RNF150: variants seen among roughly 807,000 people sequenced by gnomAD.
The protein encoded by RNF150 is ring finger protein 150.
Under a neutral mutation model 39.3 loss-of-function variants are expected in RNF150, and 24 were observed. That is an observed-to-expected ratio of 0.61 (90% CI 0.44 to 0.86). The LOEUF (loss-of-function observed/expected upper bound fraction) is 0.86. Ranked by LOEUF, RNF150 falls within the 40% of genes least tolerant of loss-of-function variation. RNF150 has a pLI of 0.00. For missense variants in RNF150, 502 were observed against 587.8 expected (o/e 0.85, Z 1.51); for synonymous variants, 255 against 227.3 (o/e 1.12, Z -1.10).
At chr4:141,124,652 T>C (rs1211083800) in intron 1 of RNF150, among the ~76,000 whole-genome samples, 1 of 152,196 alleles carries the variant, frequency 6.6e-6, no homozygotes, top group Non-Finnish European at 1.5e-5. Context: ...CAAGCATTTG[T>C]ATGCCTCCTG....
At chr4:140,891,070 T>A (rs780588197) in intron 6 of RNF150, among the ~76,000 whole-genome samples, 1 of 152,222 alleles carries the variant, frequency 6.6e-6, no homozygotes, top group Admixed American at 6.5e-5. Context: ...TTATATTCCA[T>A]GCTCATGGCA....
At position 141,132,353 on chromosome 4, in the gene RNF150, G is replaced by C; in HGVS notation, c.456C>G (p.Thr152=). Residue 152 remains threonine, a synonymous_variant, in exon 1 of 7, where the codon ACC becomes ACG. Transcript: ENST00000515673. The surrounding 1 kb of genome is among the most constrained non-coding windows in gnomAD (Gnocchi z 4.9). ...AVVIFNVGSN[T]NETITMPHAG... ...CGTGGGGCATGGTGATGGTCTCGTT[G>C]GTGTTGGAGCCCACGTTGAAGATGA... 1.3e-6 allele frequency: 2 copies of C among 1,591,894 alleles called. No individual in the cohort carries two copies. Among genetic ancestry groups the C allele is most frequent in the Non-Finnish European group, 1.7e-6 (2 of 1,169,568 alleles).
At chr4:140,915,613 T>A (rs1001182874) in intron 5 of RNF150, among the ~76,000 whole-genome samples, 3 of 152,240 alleles carry the variant, frequency 2.0e-5, no homozygotes, top group Admixed American at 2.0e-4. Context: ...AGCTTGGATG[T>A]GTATCATGTT....
intron 1 of RNF150, among the ~76,000 whole-genome samples, chr4:141,082,650 G>A (rs1738201946): frequency 6.6e-6 from 1 of 150,716 alleles, no homozygotes; most frequent in Non-Finnish European, 1.5e-5. Context: ...GTGCAGTGGC[G>A]GGATCTCGGC....
intron 6 of RNF150, among the ~76,000 whole-genome samples, chr4:140,910,317 C>A (rs559079884): frequency 1.2e-4 from 18 of 152,264 alleles, no homozygotes; most frequent in African/African-American, 4.1e-4. Context: ...GTTGCAATAT[C>A]CACTCACTCT....
intron 1 of RNF150, among the ~76,000 whole-genome samples, chr4:141,042,096 T>C (rs1469950428): frequency 1.3e-5 from 2 of 152,068 alleles, no homozygotes; most frequent in Non-Finnish European, 1.5e-5. Context: ...CATGTATTTA[T>C]TGGACATGCT....
At chr4:141,011,600 T>C (rs566085953) in intron 1 of RNF150, among the ~76,000 whole-genome samples, 1 of 152,364 alleles carries the variant, frequency 6.6e-6, no homozygotes, top group South Asian at 2.1e-4. Flanking sequence ...CATTTTATCA[T>C]TGTGTGAGAT....
chr4:141,195,024 T>G (rs1728176314), intron 1 of RNF150, among the ~76,000 whole-genome samples: 2 of 151,978 alleles, frequency 1.3e-5, no homozygotes, highest in African/African-American at 4.8e-5. Context: ...TAAGTACAGA[T>G]CTTCAAAAAG....
chr4:141,181,979 C>T (rs961764065), intron 1 of RNF150, among the ~76,000 whole-genome samples: 2 of 152,100 alleles, frequency 1.3e-5, no homozygotes, highest in Non-Finnish European at 2.9e-5. Context: ...GAGAGGTATC[C>T]GGAATCTCCA....
chr4:141,104,848 CT>C (rs1739144013), intron 1 of RNF150, among the ~76,000 whole-genome samples: 1 of 152,094 alleles, frequency 6.6e-6, no homozygotes, highest in African/African-American at 2.4e-5. Flanking sequence ...CTAGTAAGAC[CT>C]GAATAGAGAT....
At chr4:141,107,694 G>A (rs867840741) in intron 1 of RNF150, among the ~76,000 whole-genome samples, 6 of 152,210 alleles carry the variant, frequency 3.9e-5, no homozygotes, top group African/African-American at 1.4e-4. Flanking sequence ...CATGGACTCT[G>A]TAAAAAAGGG....
chr4:141,176,414 A>T (rs1186866605), intron 1 of RNF150, among the ~76,000 whole-genome samples: 1 of 152,186 alleles, frequency 6.6e-6, no homozygotes, highest in Admixed American at 6.5e-5. Context: ...CAAAAGATGA[A>T]CTTTGAAATA....
chr4:141,090,098 G>A (rs1167714694), intron 1 of RNF150, among the ~76,000 whole-genome samples: 2 of 152,206 alleles, frequency 1.3e-5, no homozygotes. Context: ...AGGCAAGTGT[G>A]ACAATGTTAA....
chr4:141,209,320 A>G (rs1245081962), intron 1 of RNF150, among the ~76,000 whole-genome samples: 1 of 152,156 alleles, frequency 6.6e-6, no homozygotes, highest in African/African-American at 2.4e-5. Context: ...TCTATTTCTG[A>G]AATTTGTCTA....
At chr4:141,175,498 A>G (rs753083345) in intron 1 of RNF150, among the ~76,000 whole-genome samples, 16 of 152,228 alleles carry the variant, frequency 1.1e-4, no homozygotes, top group Non-Finnish European at 1.8e-4. Flanking sequence ...CAGTGGTCGT[A>G]ACATCCAAAG....
chr4:140,998,215 C>T (rs1379828392), intron 1 of RNF150, among the ~76,000 whole-genome samples: 2 of 152,136 alleles, frequency 1.3e-5, no homozygotes, highest in African/African-American at 4.8e-5. Flanking sequence ...ATTGTGTTCC[C>T]CAAAAGTTCA....
chr4:141,117,652 A>G (rs1283304108), intron 1 of RNF150, among the ~76,000 whole-genome samples: 1 of 152,212 alleles, frequency 6.6e-6, no homozygotes, highest in Non-Finnish European at 1.5e-5. Context: ...ATCATTAAGC[A>G]ATGCATGACT....
At chr4:141,182,943 A>G (rs1727937229) in intron 1 of RNF150, among the ~76,000 whole-genome samples, 1 of 151,792 alleles carries the variant, frequency 6.6e-6, no homozygotes, top group Non-Finnish European at 1.5e-5. Context: ...CTACAAGGCT[A>G]CAGTAACCAA....
chr4:140,979,411 G>A (rs1382690415), intron 1 of RNF150, among the ~76,000 whole-genome samples: 1 of 151,968 alleles, frequency 6.6e-6, no homozygotes, highest in Admixed American at 6.6e-5. Context: ...ATTAAACCTT[G>A]AAGCTTCAGG....
Sources: gnomAD v4.1 joint callset for allele counts (sites outside exome capture counted in the v4.1 genomes callset) on GRCh38, gnomAD v4.1.1 for gene constraint, Gnocchi (gnomAD v3.1) non-coding constraint, MANE v1.5 for transcripts, NCBI Gene and HGNC (gene_info 2026-07-23, HGNC 2026-07-21) for gene names.